The following DENND4B variants were observed in gnomAD, a reference collection of about 807,000 sequenced individuals.
The protein encoded by DENND4B is DENN domain containing 4B, also known as DENN domain-containing protein 4B.
DENND4B carries 67 observed loss-of-function variants against 161.0 expected under a neutral mutation model. That is an observed-to-expected ratio of 0.42 (90% CI 0.34 to 0.51). The LOEUF (loss-of-function observed/expected upper bound fraction) is 0.51, where lower values mean the gene tolerates loss of function less well. Among genes scored for constraint, DENND4B ranks in the 20% least tolerant of loss-of-function variants. The pLI, the probability that DENND4B is intolerant of heterozygous loss-of-function variation, is 0.08. For missense variants in DENND4B, 1,481 were observed against 1,968.0 expected (o/e 0.75, Z 4.68); for synonymous variants, 753 against 813.8 (o/e 0.93, Z 1.27).
At position 153,944,384 on chromosome 1, in the gene DENND4B, CT is replaced by C. The variant is rs1557860088; in HGVS notation, c.-11del. 9.4e-6 allele frequency: 15 copies of C among 1,599,332 alleles called. No homozygotes were observed. Among genetic ancestry groups the C allele is most frequent in the South Asian group, 1.1e-5 (1 of 89,076 alleles). ...GCCGCTCCTCCGCCATGGCCCCCCC[CT>C]CACTCACTGCATCTGGAATGGTCAA... On this transcript the variant is annotated 5_prime_UTR_variant, in exon 2 of 28. Coordinates refer to ENST00000361217, the MANE Select transcript of DENND4B (RefSeq NM_014856.3). This position sits in a 1 kb window ranked among gnomAD's most constrained non-coding sequence, Gnocchi z 4.8.
At position 153,936,444 on chromosome 1, in the gene DENND4B, C is replaced by T. The variant is rs1679335760; in HGVS notation, c.2439+98G>A. 7.4e-7 allele frequency: 1 copy of T among 1,357,950 alleles called. No individual in the cohort carries two copies. Among genetic ancestry groups the T allele is most frequent in the African/African-American group, 1.5e-5 (1 of 68,396 alleles). The allele number at this position is 1,357,950 out of a possible 1,614,324, so 84.1% of individuals were successfully genotyped here. A position where few individuals can be genotyped will look rare whatever the true frequency, so the allele number is the denominator to read the frequency against. On this transcript the variant is annotated intron_variant, in intron 16 of 27. Transcript: ENST00000361217. This position sits in a 1 kb window ranked among gnomAD's most constrained non-coding sequence, Gnocchi z 4.1. ...GCCCAGCTCTGGGGCTCTGCAACTT[C>T]TTTCCTTAGTCTCCACCAAGTTTCC...
rs1679071397 is a variant in DENND4B, at chr1:153,933,155, A to C, written c.3453+42T>G. ...GCCTTGGACAGGGTGAGTGTGTGCT[A>C]TGTGTGTTCAAGCACATCTGTGTGG... On this transcript the variant is annotated intron_variant, in intron 21 of 27. Coordinates refer to ENST00000361217, the MANE Select transcript of DENND4B (RefSeq NM_014856.3). The surrounding 1 kb of genome is among the most constrained non-coding windows in gnomAD (Gnocchi z 5.7). 1 of 1,612,100 alleles carries C rather than the reference A, an allele frequency of 6.2e-7. No homozygotes were observed. Among genetic ancestry groups the C allele is most frequent in the African/African-American group, 1.3e-5 (1 of 74,968 alleles).
intron 6 of DENND4B, 93 bp downstream of exon 6, chr1:153,941,776 C>CGGGGGGGG: frequency 2.0e-6 from 1 of 509,988 alleles, no homozygotes; most frequent in Non-Finnish European, 3.7e-6. Flanking sequence ...CTGTGCCCAG[C>CGGGGGGGG]CCTCCCCCCA....
rs1292027352 is a variant in DENND4B at position 153,933,906 on chromosome 1, C to T, written c.2942-35G>A. ...AGAAAAGAATGAGGGAAGATGGACC[C>T]CAGCCTCTGCACCAACTTCCCCTTT... On this transcript the variant is annotated intron_variant, in intron 19 of 27. Transcript: ENST00000361217. The surrounding 1 kb of genome is among the most constrained non-coding windows in gnomAD (Gnocchi z 5.7). 4 of 1,590,734 alleles carry T rather than the reference C, an allele frequency of 2.5e-6. No individual in the cohort carries two copies. In the African/African-American group the frequency reaches 5.5e-5, roughly 22 times the overall value.
At chr1:153,941,827 C>T in intron 6 of DENND4B, 42 bp downstream of exon 6, 1 of 1,592,816 alleles carries the variant, frequency 6.3e-7, no homozygotes, top group Non-Finnish European at 8.5e-7. Context: ...GCCCCCTTAT[C>T]CCTTCCTAAC....
intron 6 of DENND4B, 77 bp from the exon 7 acceptor site, chr1:153,941,517 C>A (rs1308160178): frequency 1.4e-6 from 2 of 1,480,028 alleles, no homozygotes; most frequent in Non-Finnish European, 9.1e-7. Flanking sequence ...TCAGCTCTTT[C>A]ACTTGTTCTC....
Position 153,933,744 on chromosome 1 carries a change from TGAG to T in DENND4B, c.3066_3068del (p.Ser1023del). 6.2e-7 allele frequency: 1 copy of T among 1,600,214 alleles called. No homozygotes were observed. On this transcript the variant is annotated inframe_deletion, in exon 20 of 28. Coordinates refer to ENST00000361217, the MANE Select transcript of DENND4B (RefSeq NM_014856.3). The surrounding 1 kb of genome is among the most constrained non-coding windows in gnomAD (Gnocchi z 5.7). ...CCTCAGTGGACTGGGCACTCAGGGC[TGAG>T]CCTGAGCCCCCTGGGCTGCCTCCAG...
chr1:153,933,874 G>A lies in DENND4B; in HGVS notation c.2942-3C>T. On this transcript the variant is annotated splice_region_variant and splice_polypyrimidine_tract_variant and intron_variant, in intron 19 of 27. Coordinates refer to ENST00000361217, the MANE Select transcript of DENND4B (RefSeq NM_014856.3). This position sits in a 1 kb window ranked among gnomAD's most constrained non-coding sequence, Gnocchi z 5.7. ...CAGGACCCCCAAGGCCTCTATCACTGCAGCACAGAAAAGAATGAGGGAAGA... is the reference window on the plus strand; with the variant it reads ...CAGGACCCCCAAGGCCTCTATCACTACAGCACAGAAAAGAATGAGGGAAGA... The A allele has an allele frequency of 6.2e-7, 1 of 1,605,920 alleles. No homozygotes were observed. Among genetic ancestry groups the A allele is most frequent in the South Asian group, 1.1e-5 (1 of 90,050 alleles).
At position 153,937,591 on chromosome 1, in the gene DENND4B, C is replaced by T. The variant is rs769944316; in HGVS notation, c.2129G>A (p.Arg710Gln). ...QYCYDGFPEL[R>Q]AELFESLQEQ... The stretch of plus-strand genomic sequence containing the variant: ...TTGAAGAGACTCAAACAACTCAGCC[C>T]GTAGCTCTGGGAATCCATCATAGCT... Residue 710 changes from arginine (R) to glutamine (Q), a missense_variant, in exon 15 of 28, where the codon CGG (arginine) becomes CAG (glutamine). Physicochemically the swap from Arg to Gln is conservative, Grantham distance 43 (BLOSUM62 1). This residue lies in a region of DENND4B where 806 missense variants were observed against 1,134.4 expected (regional missense o/e 0.71). Coordinates refer to ENST00000361217, the MANE Select transcript of DENND4B (RefSeq NM_014856.3). The surrounding 1 kb of genome is among the most constrained non-coding windows in gnomAD (Gnocchi z 4.7). 5.6e-6 allele frequency: 9 copies of T among 1,613,044 alleles called. No homozygotes were observed. The highest frequency in any genetic ancestry group is 2.2e-5 in the East Asian group (1 of 44,866).
chr1:153,935,129 G>A, intron 17 of DENND4B, 165 bp from the exon 18 acceptor site: 1 of 1,388,824 alleles, frequency 7.2e-7, no homozygotes, highest in Non-Finnish European at 9.5e-7. Context: ...AGAAGAGACA[G>A]TAGGCAGCAG....
In DENND4B at chr1:153,934,802, CCTGCTGCTGCTGCTG is replaced by C. The variant is rs3835302; in HGVS notation, c.2716_2730del (p.Gln906_Gln910del). ...GCCTCTTGATGTGCTGACACCTGCT[CCTGCTGCTGCTGCTG>C]CTGCTGCTGCTGTTGCTGCTGCTGC... On this transcript the variant is annotated inframe_deletion, in exon 18 of 28. Coordinates refer to ENST00000361217, the MANE Select transcript of DENND4B (RefSeq NM_014856.3). The surrounding 1 kb of genome is among the most constrained non-coding windows in gnomAD (Gnocchi z 5.3). 16 of 1,590,562 alleles carry C rather than the reference CCTGCTGCTGCTGCTG, an allele frequency of 1.0e-5. No homozygotes were observed. The highest frequency in any genetic ancestry group is 2.7e-5 in the African/African-American group (2 of 74,370).
At chr1:153,938,495 G>T (rs1227503767) in intron 13 of DENND4B, among the ~76,000 whole-genome samples, 1 of 151,334 alleles carries the variant, frequency 6.6e-6, no homozygotes, top group Admixed American at 6.6e-5. Context: ...GAGGTCAGGA[G>T]ATCAAGACCA....
rs1467780594 is a variant in DENND4B at position 153,942,050 on chromosome 1, C to T, written c.874G>A (p.Ala292Thr). 6.2e-7 allele frequency: 1 copy of T among 1,611,772 alleles called. No individual in the cohort carries two copies. Among genetic ancestry groups the T allele is most frequent in the Non-Finnish European group, 8.5e-7 (1 of 1,179,066 alleles). The change falls in exon 6 of 28, where the codon GCA becomes ACA. Residue 292 changes from alanine to threonine, a missense_variant. Around this residue, in one of 3 missense-constraint regions of DENND4B, gnomAD observed 806 missense variants for 1,134.4 expected, o/e 0.71. Coordinates refer to ENST00000361217, the MANE Select transcript of DENND4B (RefSeq NM_014856.3). This position sits in a 1 kb window ranked among gnomAD's most constrained non-coding sequence, Gnocchi z 6.9. ...GCGCTCAGCAGGCCCAGTGCCCGTGCCTGTCGCTCTGATAGCCTGGCCCTT... is the reference window on the plus strand; with the variant it reads ...GCGCTCAGCAGGCCCAGTGCCCGTGTCTGTCGCTCTGATAGCCTGGCCCTT... ...FPRARLSERQ[A>T]RALGLLSAVE...
In DENND4B at chr1:153,932,489, A is replaced by G; in HGVS notation, c.3760-49T>C. On this transcript the variant is annotated intron_variant, in intron 23 of 27. Coordinates refer to ENST00000361217, the MANE Select transcript of DENND4B (RefSeq NM_014856.3). This position sits in a 1 kb window ranked among gnomAD's most constrained non-coding sequence, Gnocchi z 5.8. ...CAGTAGAGGGCATGTACATCCCCAG[A>G]GCCTTGCCTCCCACTGAGCCACCAC... 6.4e-7 allele frequency: 1 copy of G among 1,560,492 alleles called. No homozygotes were observed. The highest frequency in any genetic ancestry group is 8.7e-7 in the Non-Finnish European group (1 of 1,150,764).
At position 153,940,731 on chromosome 1, in the gene DENND4B, T is replaced by C; in HGVS notation, c.1327-125A>G. 6.9e-7 allele frequency: 1 copy of C among 1,450,842 alleles called. No homozygotes were observed. The highest frequency in any genetic ancestry group is 9.3e-7 in the Non-Finnish European group (1 of 1,076,390). 89.9% of individuals were successfully genotyped at this position (1,450,842 alleles called of 1,614,324 possible). On this transcript the variant is annotated intron_variant, in intron 9 of 27. Transcript: ENST00000361217. This position sits in a 1 kb window ranked among gnomAD's most constrained non-coding sequence, Gnocchi z 5.6. ...GCCTGTTGAGAGAGGCTGTTGGAAG[T>C]AGGCTCTAGAGAAGAGCTCCTGATG...
intron 24 of DENND4B, 89 bp from the exon 25 acceptor site, chr1:153,931,153 G>A: frequency 9.7e-7 from 1 of 1,030,960 alleles, no homozygotes; most frequent in Non-Finnish European, 1.4e-6. Context: ...AAGAGACAGA[G>A]GGCCATTACA....
chr1:153,930,364 C>T lies in DENND4B; in HGVS notation c.4424G>A (p.Arg1475Gln), dbSNP rs779916030. ...GGCCTTGGGAGTGGGCATCTGCGCC[C>T]GCCGGTGCCTCAGCTCCTCCTTGCC... ...SMGKEELRHR[R>Q]AQMPTPKAID... Residue 1475 changes from arginine (R) to glutamine (Q), a missense_variant, in exon 28 of 28, where the codon CGG becomes CAG. Coordinates refer to ENST00000361217, the MANE Select transcript of DENND4B (RefSeq NM_014856.3). The surrounding 1 kb of genome is among the most constrained non-coding windows in gnomAD (Gnocchi z 4.7). 8 of 1,614,048 alleles carry T rather than the reference C, an allele frequency of 5.0e-6. No homozygotes were observed. The highest frequency in any genetic ancestry group is 1.1e-5 in the South Asian group (1 of 91,090).
Position 153,941,956 on chromosome 1 carries a change from C to G in DENND4B, c.968G>C (p.Arg323Pro). 6.2e-7 allele frequency: 1 copy of G among 1,612,270 alleles called. No homozygotes were observed. Among genetic ancestry groups the G allele is most frequent in the Non-Finnish European group, 8.5e-7 (1 of 1,179,836 alleles). The change falls in exon 6 of 28, where the codon CGC becomes CCC. Residue 323 changes from arginine to proline, a missense_variant. Physicochemically the swap from Arg to Pro is moderately radical, Grantham distance 103 (BLOSUM62 -2). Coordinates refer to ENST00000361217, the MANE Select transcript of DENND4B (RefSeq NM_014856.3). ...GCGGAAGGCAGGGAAGGCAGGCCAG[C>G]GGGACAGCACAGCGATGGCACGCCG... ...RSRRAIAVLS[R>P]WPAFPAFRAF...
In DENND4B at chr1:153,930,223, G is replaced by C. The variant is rs1026698685; in HGVS notation, c.*74C>G. On this transcript the variant is annotated 3_prime_UTR_variant, in exon 28 of 28. Transcript: ENST00000361217. This position sits in a 1 kb window ranked among gnomAD's most constrained non-coding sequence, Gnocchi z 4.7. ...TGTTCCCAACTCCATGAAGGCAACA[G>C]GGAAGCAGTTTAACTCTAGAATCCC... The C allele has an allele frequency of 3.9e-6, 6 of 1,526,798 alleles. No individual in the cohort carries two copies. The African/African-American group carries it at 8.2e-5, about 21-fold the overall frequency. 94.6% of individuals were successfully genotyped at this position (1,526,798 alleles called of 1,614,324 possible).
Sources: gnomAD v4.1 joint callset for allele counts (sites outside exome capture counted in the v4.1 genomes callset) on GRCh38, gnomAD v4.1.1 for gene constraint, gnomAD v4.1.1 regional missense constraint, Gnocchi (gnomAD v3.1) non-coding constraint, MANE v1.5 for transcripts, NCBI Gene and HGNC (gene_info 2026-07-23, HGNC 2026-07-21) for gene names.